Variants in PRDM2 observed in about 807,000 individuals in gnomAD.
PRDM2 encodes PR domain zinc finger protein 2.
In PRDM2, 30 loss-of-function variants were observed where a neutral mutation model predicts 130.0. That is an observed-to-expected ratio of 0.23 (90% CI 0.17 to 0.31). The LOEUF (loss-of-function observed/expected upper bound fraction) is 0.31. Among genes scored for constraint, PRDM2 ranks in the 10% least tolerant of loss-of-function variants. The pLI is 1.00. For missense variants in PRDM2, 2,011 were observed against 2,108.4 expected (o/e 0.95, Z 0.90); for synonymous variants, 871 against 782.4 (o/e 1.11, Z -1.89).
chr1:13,741,720 T>TTGTGTG (rs200384633), intron 4 of PRDM2, among the ~76,000 whole-genome samples: 10,227 of 112,396 alleles, frequency 0.091, 899 homozygotes, highest in Middle Eastern at 0.13. Context: ...CTCTTTAAGT[T>TTGTGTG]TGTGTGTGTG....
At chr1:13,748,085 G>A (rs1643669614) in intron 5 of PRDM2, among the ~76,000 whole-genome samples, 1 of 152,214 alleles carries the variant, frequency 6.6e-6, no homozygotes, top group Non-Finnish European at 1.5e-5. Context: ...GTTTCATCAT[G>A]ATTAGATTCG....
intron 4 of PRDM2, among the ~76,000 whole-genome samples, chr1:13,740,414 G>T (rs936925675): frequency 6.6e-6 from 1 of 152,210 alleles, no homozygotes; most frequent in Admixed American, 6.5e-5. Context: ...GGCAGTTTAT[G>T]TTGCAGATGG....
intron 6 of PRDM2, among the ~76,000 whole-genome samples, chr1:13,752,519 A>G (rs1388294020): frequency 1.3e-5 from 2 of 152,226 alleles, no homozygotes; most frequent in Non-Finnish European, 2.9e-5. Context: ...AGAAACGGTC[A>G]AATTTAGAAG....
At chr1:13,716,062 A>G (rs1034279817) in intron 2 of PRDM2, among the ~76,000 whole-genome samples, 2 of 152,230 alleles carry the variant, frequency 1.3e-5, no homozygotes, top group African/African-American at 2.4e-5. Flanking sequence ...ATGTCCAACA[A>G]TGATAGAACT....
rs571174750 is a variant in PRDM2 at position 13,749,436 on chromosome 1, G to A, written c.460G>A (p.Glu154Lys). The A allele has an allele frequency of 2.6e-6, 4 of 1,513,490 alleles. No homozygotes were observed. The highest frequency in any genetic ancestry group is 1.1e-5 in the South Asian group (1 of 88,124). 93.8% of individuals were successfully genotyped at this position (1,513,490 alleles called of 1,614,324 possible). The change falls in exon 6 of 10, where the codon GAA (glutamate) becomes AAA (lysine). Residue 154 changes from glutamate (E) to lysine (K), a missense_variant. Glu to Lys is a moderately conservative substitution (Grantham distance 56). Transcript: ENST00000311066. ...CCCTGAGATAGCAGCTGCGATTGAG[G>A]AAGAGCGAGCCAGCGCCCGGAGCAA... ...DNPEIAAAIE[E>K]ERASARSKRS...
rs1405495872 is a variant in PRDM2 at position 13,749,302 on chromosome 1, GC to G, written c.385-54del. Reference sequence around the variant, plus strand: ...CCGCCCGCGTCCCGGTGCGCGCCCCGCCCCCGCCAACAACCGCCGCTCTGAT... The same window carrying G: ...CCGCCCGCGTCCCGGTGCGCGCCCCGCCCCGCCAACAACCGCCGCTCTGAT... On this transcript the variant is annotated intron_variant, in intron 5 of 9. Transcript: ENST00000311066. 7.0e-6 allele frequency: 9 copies of G among 1,294,266 alleles called. No homozygotes were observed. In the African/African-American group the frequency reaches 1.3e-4, roughly 19 times the overall value. The allele number at this position is 1,294,266 out of a possible 1,614,324, so 80.2% of individuals were successfully genotyped here. A position where few individuals can be genotyped will look rare whatever the true frequency, so the allele number is the denominator to read the frequency against.
Position 13,780,720 on chromosome 1 carries a change from C to A in PRDM2, c.2925C>A (p.Pro975=). ...CCACAGATCCCTCTTCCCCTCCACC[C>A]TGTCCCCCGGTATTAACTGTTGCCA... ...LIPTDPSSPP[P]CPPVLTVATP... is the part of the protein sequence containing the mutation. The change falls in exon 8 of 10, where the codon CCC becomes CCA. Residue 975 remains proline, a synonymous_variant. Transcript: ENST00000311066. 1 of 1,598,046 alleles carries A rather than the reference C, an allele frequency of 6.3e-7. No individual in the cohort carries two copies.
intron 1 of PRDM2, among the ~76,000 whole-genome samples, chr1:13,704,040 C>T (rs1224798257): frequency 6.6e-6 from 1 of 152,132 alleles, no homozygotes; most frequent in Non-Finnish European, 1.5e-5. Flanking sequence ...TATAAGTTGC[C>T]AAATCCTTAT....
At chr1:13,748,228 T>C (rs1299510463) in intron 5 of PRDM2, among the ~76,000 whole-genome samples, 2 of 152,238 alleles carry the variant, frequency 1.3e-5, no homozygotes, top group African/African-American at 4.8e-5. Context: ...AATAAATATT[T>C]TATGGGGAGA....
intron 2 of PRDM2, among the ~76,000 whole-genome samples, chr1:13,719,143 TAG>T (rs901600487): frequency 6.6e-6 from 1 of 152,026 alleles, no homozygotes; most frequent in African/African-American, 2.4e-5. Flanking sequence ...GGATGATGGG[TAG>T]AGGTGAAAGA....
chr1:13,703,516 G>A (rs1475823765), intron 1 of PRDM2, among the ~76,000 whole-genome samples: 1 of 152,218 alleles, frequency 6.6e-6, no homozygotes, highest in African/African-American at 2.4e-5. Flanking sequence ...GTCTGTCCAC[G>A]TTCCTTTCCA....
chr1:13,792,332 TG>T (rs949640206), intron 8 of PRDM2, among the ~76,000 whole-genome samples: 1 of 152,222 alleles, frequency 6.6e-6, no homozygotes, highest in African/African-American at 2.4e-5. Context: ...GAGACAGTTA[TG>T]GGTATTTTAA....
At position 13,785,779 on chromosome 1, in the gene PRDM2, C is replaced by G. The variant is rs566888491; in HGVS notation, c.5036+2948C>G. 3.8e-4 allele frequency among the ~76,000 whole-genome samples: 56 copies of G among 148,342 alleles called. 1 individual carries two copies. Among genetic ancestry groups the G allele is most frequent in the African/African-American group, 1.3e-3 (51 of 40,078 alleles). On this transcript the variant is annotated intron_variant, in intron 8 of 9. Coordinates refer to ENST00000311066, the MANE Select transcript of PRDM2 (RefSeq NM_001393986.1). ...AAAGGGAAGGAAAGAGGTGTATTCTCTACTCACCTCCTACTCATCTTTCAC... is the reference window on the plus strand; with the variant it reads ...AAAGGGAAGGAAAGAGGTGTATTCTGTACTCACCTCCTACTCATCTTTCAC...
intron 4 of PRDM2, among the ~76,000 whole-genome samples, chr1:13,737,571 T>C (rs911213737): frequency 6.6e-5 from 10 of 152,072 alleles, no homozygotes; most frequent in Non-Finnish European, 1.3e-4. Flanking sequence ...AGAAGCTGAG[T>C]GGTTAATAGC....
At position 13,771,700 on chromosome 1, in the gene PRDM2, A is replaced by T. The variant is rs1012064573; in HGVS notation, c.512-1378A>T. The T allele has an allele frequency of 6.6e-6, 1 of 152,238 alleles. No homozygotes were observed. Among genetic ancestry groups the T allele is most frequent in the Non-Finnish European group, 1.5e-5 (1 of 68,044 alleles). 9.4% of individuals were successfully genotyped at this position (152,238 alleles called of 1,614,324 possible). A position where few individuals can be genotyped will look rare whatever the true frequency, so the allele number is the denominator to read the frequency against. ...AGCCAAGATTGTGCCACTGCACTCCAGCCTGGGCGACAGAGTGAGACTCCA... is the reference window on the plus strand; with the variant it reads ...AGCCAAGATTGTGCCACTGCACTCCTGCCTGGGCGACAGAGTGAGACTCCA... On this transcript the variant is annotated intron_variant, in intron 6 of 9. Transcript: ENST00000311066. The surrounding 1 kb of genome is among the most constrained non-coding windows in gnomAD (Gnocchi z 4.1).
intron 1 of PRDM2, among the ~76,000 whole-genome samples, chr1:13,701,091 A>AAGACCCCAT (rs1642060717): frequency 6.6e-6 from 1 of 152,162 alleles, no homozygotes; most frequent in Non-Finnish European, 1.5e-5. Context: ...AGCTGCGGCA[A>AAGACCCCAT]AGACCCCATA....
At chr1:13,711,151 T>G (rs1214131062) in intron 1 of PRDM2, among the ~76,000 whole-genome samples, 1 of 152,204 alleles carries the variant, frequency 6.6e-6, no homozygotes, top group African/African-American at 2.4e-5. Flanking sequence ...GGAAAGATTT[T>G]TCTCTGCCTC....
chr1:13,776,412 C>T (rs1644476506), intron 7 of PRDM2, among the ~76,000 whole-genome samples: 2 of 152,156 alleles, frequency 1.3e-5, no homozygotes, highest in Non-Finnish European at 2.9e-5. Context: ...GGGACTGTCG[C>T]GACAGCAGCA....
chr1:13,741,874 G>T lies in PRDM2; in HGVS notation c.232-131G>T. On this transcript the variant is annotated intron_variant, in intron 4 of 9. Transcript: ENST00000311066. ...TTTTCTTTTCTCTGTCGCTTGTTTT[G>T]TTTTTATGAAATGCTTTATATAGAG... 2.5e-5 allele frequency: 17 copies of T among 669,100 alleles called. No individual in the cohort carries two copies. Among genetic ancestry groups the T allele is most frequent in the Admixed American group, 9.5e-5 (3 of 31,734 alleles). 41.4% of individuals were successfully genotyped at this position (669,100 alleles called of 1,614,324 possible).
Sources: gnomAD v4.1 joint callset for allele counts (sites outside exome capture counted in the v4.1 genomes callset) on GRCh38, gnomAD v4.1.1 for gene constraint, Gnocchi (gnomAD v3.1) non-coding constraint, MANE v1.5 for transcripts, NCBI Gene and HGNC (gene_info 2026-07-23, HGNC 2026-07-21) for gene names.